PCSK5: variants seen among roughly 807,000 people sequenced by gnomAD.
PCSK5 encodes proprotein convertase subtilisin/kexin type 5, also known as prohormone convertase 5.
In PCSK5, 129 loss-of-function variants were observed where a neutral mutation model predicts 233.2. That is an observed-to-expected ratio of 0.55 (90% CI 0.48 to 0.64). PCSK5 has a LOEUF of 0.64. Ranked by LOEUF, PCSK5 falls within the 30% of genes least tolerant of loss-of-function variation. The probability of loss-of-function intolerance (pLI) is 0.00; values close to 1 mark genes in which losing one functional copy is unlikely to be tolerated. For synonymous variants in PCSK5, 825 were observed against 879.2 expected (o/e 0.94, Z 1.09); for missense variants, 2,076 against 2,430.1 (o/e 0.85, Z 3.06).
chr9:75,908,965 A>ATCTG (rs1564075116), intron 1 of PCSK5, among the ~76,000 whole-genome samples: 3 of 114,004 alleles, frequency 2.6e-5, no homozygotes, highest in Admixed American at 8.4e-5. Context: ...CTATCTATCT[A>ATCTG]TCTATCTATC....
chr9:76,092,411 G>A (rs1831334230), intron 7 of PCSK5, among the ~76,000 whole-genome samples: 1 of 152,078 alleles, frequency 6.6e-6, no homozygotes, highest in African/African-American at 2.4e-5. Context: ...TGTTTGTTTA[G>A]AGACGGTCAT....
intron 1 of PCSK5, among the ~76,000 whole-genome samples, chr9:75,909,842 T>G (rs1218315115): frequency 2.0e-5 from 3 of 152,230 alleles, no homozygotes; most frequent in African/African-American, 7.2e-5. Flanking sequence ...GTTATAAGAT[T>G]GAATTTCCCT....
At chr9:76,194,100 A>G (rs899002217) in intron 20 of PCSK5, 1 of 152,380 alleles carries the variant, frequency 6.6e-6, no homozygotes, top group Admixed American at 6.5e-5. Context: ...ATTGCTCTGT[A>G]TAGTCAAATT....
At position 75,969,229 on chromosome 9, in the gene PCSK5, A is replaced by C. The variant is rs574848879; in HGVS notation, c.298-16903A>C. Reference sequence around the variant, plus strand: ...TCTCAGAGCTTAATGTCATTGTTCTAATGCTAGACAAAAGTAGGTCCGCAA... The same window carrying C: ...TCTCAGAGCTTAATGTCATTGTTCTCATGCTAGACAAAAGTAGGTCCGCAA... On this transcript the variant is annotated intron_variant, in intron 2 of 37. Transcript: ENST00000674117. Among the ~76,000 whole-genome samples, 4 of 152,324 alleles carry C rather than the reference A, an allele frequency of 2.6e-5. No homozygotes were observed. The East Asian group carries it at 7.7e-4, about 29-fold the overall frequency.
At chr9:76,214,477 ACTT>A (rs1275364139) in intron 20 of PCSK5, among the ~76,000 whole-genome samples, 3 of 152,072 alleles carry the variant, frequency 2.0e-5, no homozygotes, top group Non-Finnish European at 4.4e-5. Flanking sequence ...TTGGAGTCTG[ACTT>A]CTTGGTTTAA....
chr9:75,985,527 G>A (rs1350579864), intron 2 of PCSK5, among the ~76,000 whole-genome samples: 1 of 151,984 alleles, frequency 6.6e-6, no homozygotes, highest in African/African-American at 2.4e-5. Context: ...TGATCCTGGA[G>A]CGTTTTGATC....
At chr9:76,123,087 G>A (rs985143739) in intron 9 of PCSK5, among the ~76,000 whole-genome samples, 17 of 151,782 alleles carry the variant, frequency 1.1e-4, no homozygotes, top group African/African-American at 2.4e-4. Context: ...CAAGTGATCC[G>A]CCCACCATGG....
chr9:76,344,115 A>G (rs1377310604), intron 35 of PCSK5, among the ~76,000 whole-genome samples: 1 of 152,236 alleles, frequency 6.6e-6, no homozygotes, highest in African/African-American at 2.4e-5. Flanking sequence ...TGCACTAGCC[A>G]TATTTCAACT....
In PCSK5 at chr9:76,354,054, A is replaced by C. The variant is rs538501026; in HGVS notation, c.5089A>C (p.Lys1697Gln). 5.8e-5 allele frequency: 94 copies of C among 1,609,690 alleles called. 1 individual carries two copies. Among genetic ancestry groups the C allele is most frequent in the Non-Finnish European group, 8.0e-5 (94 of 1,178,628 alleles). Residue 1697 changes from lysine (K) to glutamine (Q), a missense_variant, in exon 37 of 38, where the codon AAA (lysine) becomes CAA (glutamine). Coordinates refer to ENST00000674117, the MANE Select transcript of PCSK5 (RefSeq NM_001372043.1). ...VGEGEKFNCE[K>Q]CHESCMECKG... The stretch of plus-strand genomic sequence containing the variant: ...ACAGGGAGAGAAGTTTAACTGTGAA[A>C]AATGCCACGAGAGCTGCATGGAATG...
chr9:76,268,279 C>T (rs1298068218), intron 24 of PCSK5, among the ~76,000 whole-genome samples: 3 of 152,180 alleles, frequency 2.0e-5, no homozygotes, highest in East Asian at 1.9e-4. Flanking sequence ...TCCCCACCCA[C>T]CCCACACATA....
chr9:76,229,708 G>C (rs1331494534), intron 21 of PCSK5, among the ~76,000 whole-genome samples: 3 of 152,176 alleles, frequency 2.0e-5, no homozygotes, highest in Non-Finnish European at 4.4e-5. Context: ...CAGCAAAGAG[G>C]ACCAGCTAAC....
chr9:76,054,075 A>G (rs761937038), intron 5 of PCSK5, among the ~76,000 whole-genome samples: 1 of 152,172 alleles, frequency 6.6e-6, no homozygotes. Context: ...GAGCATGTGC[A>G]GGGAAACTGC....
intron 35 of PCSK5, among the ~76,000 whole-genome samples, chr9:76,343,849 G>A (rs1829904283): frequency 6.6e-6 from 1 of 151,996 alleles, no homozygotes; most frequent in East Asian, 1.9e-4. Flanking sequence ...GGTCCCCGCA[G>A]ACCAGGCTAG....
At chr9:76,202,054 A>G (rs1360566753) in intron 20 of PCSK5, among the ~76,000 whole-genome samples, 1 of 152,200 alleles carries the variant, frequency 6.6e-6, no homozygotes, top group African/African-American at 2.4e-5. Context: ...TAAACTATGA[A>G]AAAAGTAAGG....
intron 7 of PCSK5, among the ~76,000 whole-genome samples, chr9:76,081,540 T>C (rs1564014527): frequency 6.6e-6 from 1 of 152,158 alleles, no homozygotes; most frequent in Non-Finnish European, 1.5e-5. Flanking sequence ...AGAAGTCCTG[T>C]AGTAAAATGA....
intron 6 of PCSK5, among the ~76,000 whole-genome samples, chr9:76,068,379 C>T (rs1233545231): frequency 1.3e-5 from 2 of 152,132 alleles, no homozygotes; most frequent in African/African-American, 2.4e-5. Context: ...ATAATATAAA[C>T]ATTAGGCCAT....
chr9:76,088,675 G>GA, intron 7 of PCSK5, among the ~76,000 whole-genome samples: 1 of 152,182 alleles, frequency 6.6e-6, no homozygotes, highest in East Asian at 1.9e-4. Flanking sequence ...TGAACTGATT[G>GA]AAAAAACAAG....
chr9:76,038,299 T>C (rs1208120360), intron 5 of PCSK5, among the ~76,000 whole-genome samples: 1 of 152,132 alleles, frequency 6.6e-6, no homozygotes, highest in Non-Finnish European at 1.5e-5. Context: ...GCTCTAGTAT[T>C]ATGTTGTTAT....
chr9:76,086,347 T>C (rs1831061622), intron 7 of PCSK5, among the ~76,000 whole-genome samples: 1 of 152,212 alleles, frequency 6.6e-6, no homozygotes, highest in Non-Finnish European at 1.5e-5. Context: ...AGAAACCTAG[T>C]CTGCCTGCCC....
Sources: gnomAD v4.1 joint callset for allele counts (sites outside exome capture counted in the v4.1 genomes callset) on GRCh38, gnomAD v4.1.1 for gene constraint, MANE v1.5 for transcripts, NCBI Gene and HGNC (gene_info 2026-07-23, HGNC 2026-07-21) for gene names.